PDE6B: variants seen among roughly 807,000 people sequenced by gnomAD.
The protein encoded by PDE6B is rod cGMP-specific 3',5'-cyclic phosphodiesterase subunit beta.
Under a neutral mutation model 109.0 loss-of-function variants are expected in PDE6B, and 106 were observed. That is an observed-to-expected ratio of 0.97 (90% CI 0.83 to 1.14). The LOEUF (loss-of-function observed/expected upper bound fraction) is 1.14. Ranked by LOEUF, PDE6B falls within the 50% of genes most tolerant of loss-of-function variation. The pLI is 0.00. For synonymous variants in PDE6B, 490 were observed against 471.3 expected, an observed-to-expected ratio of 1.04 and a Z score of -0.51; for missense variants, 1,193 against 1,155.6, an observed-to-expected ratio of 1.03 and a Z score of -0.47.
chr4:632,492 C>T (rs1245305615), intron 1 of PDE6B, among the ~76,000 whole-genome samples: 3 of 149,398 alleles, frequency 2.0e-5, no homozygotes, highest in Non-Finnish European at 3.0e-5. Flanking sequence ...CTCTGGATCA[C>T]GTTTTGTGGA....
At position 634,650 on chromosome 4, in the gene PDE6B, T is replaced by C. The variant is rs759911694; in HGVS notation, c.469-27T>C. On this transcript the variant is annotated intron_variant, in intron 1 of 21. Coordinates refer to ENST00000496514, the MANE Select transcript of PDE6B (RefSeq NM_000283.4). Reference sequence around the variant, plus strand: ...TCCAGGCCCACGGTGCGACAGCCTCTTTAGCCTCTTTCCTCTCTTGCGGCA... The same window carrying C: ...TCCAGGCCCACGGTGCGACAGCCTCCTTAGCCTCTTTCCTCTCTTGCGGCA... The C allele has an allele frequency of 3.7e-6, 6 of 1,603,188 alleles. No individual in the cohort carries two copies. The African/African-American group carries it at 8.0e-5, about 21-fold the overall frequency.
intron 21 of PDE6B, among the ~76,000 whole-genome samples, 188 bp downstream of exon 21, chr4:668,194 G>A (rs757822204): frequency 1.9e-4 from 29 of 151,932 alleles, no homozygotes; most frequent in African/African-American, 6.3e-4. Flanking sequence ...ACTCCACCTC[G>A]GTAGCAAACC....
chr4:663,137 AT>A lies in PDE6B; in HGVS notation c.1874del (p.Leu625TrpfsTer18). On this transcript the variant is annotated frameshift_variant, in exon 15 of 22. Transcript: ENST00000496514. LOFTEE classifies it high-confidence loss of function. This position sits in a 1 kb window ranked among gnomAD's most constrained non-coding sequence, Gnocchi z 4.0. ...NPLAKLHGSSILERHHLEFGK... is the reference protein window; with the variant it reads ...NPLAKLHGSSXLERHHLEFGK... ...CTTGGCTAAGCTCCACGGCTCCTCG[AT>A]TTTGGAGCGGCACCACCTGGAGTTT... The A allele has an allele frequency of 1.9e-6, 3 of 1,612,572 alleles. No homozygotes were observed. Among genetic ancestry groups the A allele is most frequent in the Non-Finnish European group, 2.5e-6 (3 of 1,178,872 alleles).
Position 660,392 on chromosome 4 carries a change from G to A in PDE6B, c.1468-75G>A, listed in dbSNP as rs1736918895. 6.2e-6 allele frequency: 9 copies of A among 1,454,646 alleles called. No homozygotes were observed. In the East Asian group the frequency reaches 2.0e-4, roughly 33 times the overall value. 90.1% of individuals were successfully genotyped at this position (1,454,646 alleles called of 1,614,324 possible). A position where few individuals can be genotyped will look rare whatever the true frequency, so the allele number is the denominator to read the frequency against. On this transcript the variant is annotated intron_variant, in intron 11 of 21. Transcript: ENST00000496514. The stretch of plus-strand genomic sequence containing the variant: ...GTGTCTGAGGCTTGGCAGGGGATCT[G>A]GAGAGAAGAAAGGATGAGAAGCAAG...
chr4:666,576 G>A lies in PDE6B; in HGVS notation c.2314G>A (p.Val772Met). The change falls in exon 20 of 22, where the codon GTG (valine) becomes ATG (methionine). Residue 772 changes from valine (V) to methionine (M), a missense_variant. Coordinates refer to ENST00000496514, the MANE Select transcript of PDE6B (RefSeq NM_000283.4). The surrounding 1 kb of genome is among the most constrained non-coding windows in gnomAD (Gnocchi z 5.6). ...NKAAELPKLQ[V>M]GFIDFVCTFV... ...GGCGGCCGAGCTCCCCAAGCTGCAA[G>A]TGGGCTTCATCGACTTCGTGTGCAC... The A allele has an allele frequency of 1.2e-6, 2 of 1,613,384 alleles. No individual in the cohort carries two copies. The highest frequency in any genetic ancestry group is 1.7e-6 in the Non-Finnish European group (2 of 1,179,510).
At chr4:668,148 A>C in intron 21 of PDE6B, 142 bp downstream of exon 21, 1 of 785,338 alleles carries the variant, frequency 1.3e-6, no homozygotes, top group Non-Finnish European at 2.0e-6. Context: ...GCCACAGTGC[A>C]GGGAGAGAGG....
At chr4:632,741 C>T (rs939679800) in intron 1 of PDE6B, among the ~76,000 whole-genome samples, 1 of 149,922 alleles carries the variant, frequency 6.7e-6, no homozygotes, top group Non-Finnish European at 1.5e-5. Flanking sequence ...CTCTGGATCA[C>T]GTTGTGTGGA....
chr4:631,486 G>A (rs1254136775), intron 1 of PDE6B, among the ~76,000 whole-genome samples: 7 of 150,946 alleles, frequency 4.6e-5, no homozygotes, highest in East Asian at 2.0e-4. Context: ...TCCCTGTGGC[G>A]CTGTCTGAAG....
At position 657,513 on chromosome 4, in the gene PDE6B, T is replaced by C. The variant is rs1560125166; in HGVS notation, c.1401+19T>C. On this transcript the variant is annotated intron_variant, in intron 10 of 21. Coordinates refer to ENST00000496514, the MANE Select transcript of PDE6B (RefSeq NM_000283.4). ...CATCCTGGTGCGGCGGGGCAGGACG[T>C]CCAGGGGTCACCCAGGGGTCACGGC... The C allele has an allele frequency of 1.8e-5, 26 of 1,464,798 alleles. No homozygotes were observed. The highest frequency in any genetic ancestry group is 2.5e-5 in the Non-Finnish European group (26 of 1,049,882). The allele number at this position is 1,464,798 out of a possible 1,614,324, so 90.7% of individuals were successfully genotyped here. A position where few individuals can be genotyped will look rare whatever the true frequency, so the allele number is the denominator to read the frequency against.
rs1737534022 is a variant in PDE6B at position 664,373 on chromosome 4, G to A, written c.2129+152G>A. ...TCGAGGGCTGTGAAACAAATGCGCC[G>A]TCCTTATTTCCCCCCAGCTCTCAGG... On this transcript the variant is annotated intron_variant, in intron 17 of 21. Transcript: ENST00000496514. 4.4e-6 allele frequency: 3 copies of A among 688,820 alleles called. No homozygotes were observed. The East Asian group carries it at 8.1e-5, about 19-fold the overall frequency. 42.7% of individuals were successfully genotyped at this position (688,820 alleles called of 1,614,324 possible). A position where few individuals can be genotyped will look rare whatever the true frequency, so the allele number is the denominator to read the frequency against.
intron 11 of PDE6B, among the ~76,000 whole-genome samples, chr4:659,525 G>T (rs925910063): frequency 2.7e-5 from 4 of 150,206 alleles, no homozygotes; most frequent in Admixed American, 6.6e-5. Context: ...GTAGGTGTGT[G>T]TGCACACGTG....
At position 633,517 on chromosome 4, in the gene PDE6B, T is replaced by C. The variant is rs934768057; in HGVS notation, c.469-1160T>C. 6.6e-6 allele frequency among the ~76,000 whole-genome samples: 1 copy of C among 152,006 alleles called. No homozygotes were observed. The highest frequency in any genetic ancestry group is 6.6e-5 in the Admixed American group (1 of 15,266). On this transcript the variant is annotated intron_variant, in intron 1 of 21. Transcript: ENST00000496514. The surrounding 1 kb of genome is among the most constrained non-coding windows in gnomAD (Gnocchi z 4.5). ...GCAGGGGAAGGGGGTGGAGGGGAGT[T>C]GCGAGGAGTCTGCCCTCTGCTGCTG...
rs1011901397 is a variant in PDE6B, at chr4:626,821, G to A, written c.468+727G>A. Among the ~76,000 whole-genome samples the A allele has an allele frequency of 2.0e-5, 3 of 152,230 alleles. No individual in the cohort carries two copies. Among genetic ancestry groups the A allele is most frequent in the African/African-American group, 7.2e-5 (3 of 41,458 alleles). ...GACAGAGGCGGTCCTGGCGGGACTG[G>A]AGAACAAGAGGGGTGTGAGGTGCCT... On this transcript the variant is annotated intron_variant, in intron 1 of 21. Coordinates refer to ENST00000496514, the MANE Select transcript of PDE6B (RefSeq NM_000283.4). The surrounding 1 kb of genome is among the most constrained non-coding windows in gnomAD (Gnocchi z 4.6).
chr4:670,019 C>T lies in PDE6B; in HGVS notation c.2504-27C>T, dbSNP rs1014110439. The T allele has an allele frequency of 3.8e-6, 6 of 1,594,206 alleles. No homozygotes were observed. The African/African-American group carries it at 5.4e-5, about 14-fold the overall frequency. On this transcript the variant is annotated intron_variant, in intron 21 of 21. Transcript: ENST00000496514. ...GGGCTGGTGTGCACAGGTGGTTCCA[C>T]TCACCATCTTCTGTCTTCTCTTGCA...
chr4:666,647 G>A lies in PDE6B; in HGVS notation c.2352+33G>A. 7.5e-6 allele frequency: 11 copies of A among 1,470,946 alleles called. No individual in the cohort carries two copies. The highest frequency in any genetic ancestry group is 1.0e-5 in the Non-Finnish European group (11 of 1,049,794). The allele number at this position is 1,470,946 out of a possible 1,614,324, so 91.1% of individuals were successfully genotyped here. On this transcript the variant is annotated intron_variant, in intron 20 of 21. Transcript: ENST00000496514. The surrounding 1 kb of genome is among the most constrained non-coding windows in gnomAD (Gnocchi z 5.6). Reference sequence around the variant, plus strand: ...GTTCACGGGTGTTCCGAGCTGACTGGGGCAGGGTGGCTGGGAGCAGGCAAG... The same window carrying A: ...GTTCACGGGTGTTCCGAGCTGACTGAGGCAGGGTGGCTGGGAGCAGGCAAG...
intron 1 of PDE6B, among the ~76,000 whole-genome samples, chr4:629,355 A>T (rs1391098319): frequency 1.3e-5 from 2 of 152,184 alleles, no homozygotes; most frequent in Non-Finnish European, 2.9e-5. Context: ...GCTGGGATGG[A>T]CGATCCTGGT....
At chr4:653,677 A>G in intron 3 of PDE6B, 175 bp from the exon 4 acceptor site, 2 of 753,174 alleles carry the variant, frequency 2.7e-6, no homozygotes, top group South Asian at 3.3e-5. Context: ...ACAAGCTCAG[A>G]TGAAACCTGG....
chr4:648,675 T>G lies in PDE6B; in HGVS notation c.712-5177T>G, dbSNP rs1448851957. ...CAGAGGCCGCAGGAAAGCCATGGGT[T>G]AGGCCCTACAGAGCTCAGGTTTCTC... is the stretch of plus-strand genomic sequence containing the variant. On this transcript the variant is annotated intron_variant, in intron 3 of 21. Transcript: ENST00000496514. The surrounding 1 kb of genome is among the most constrained non-coding windows in gnomAD (Gnocchi z 4.5). Among the ~76,000 whole-genome samples the G allele has an allele frequency of 1.3e-5, 2 of 152,224 alleles. No individual in the cohort carries two copies. The highest frequency in any genetic ancestry group is 4.8e-5 in the African/African-American group (2 of 41,460).
At position 663,218 on chromosome 4, in the gene PDE6B, G is replaced by C; in HGVS notation, c.1920+31G>C. On this transcript the variant is annotated intron_variant, in intron 15 of 21. Transcript: ENST00000496514. The surrounding 1 kb of genome is among the most constrained non-coding windows in gnomAD (Gnocchi z 4.0). ...TATACTCACCCTCGGTTTCTGCTGT[G>C]GGCGCTGGGGACGCAGCGTCCGCAG... is the stretch of plus-strand genomic sequence containing the variant. The C allele has an allele frequency of 8.0e-7, 1 of 1,251,648 alleles. No homozygotes were observed. The highest frequency in any genetic ancestry group is 1.2e-6 in the Non-Finnish European group (1 of 849,250). 77.5% of individuals were successfully genotyped at this position (1,251,648 alleles called of 1,614,324 possible).
Sources: allele counts gnomAD v4.1 joint callset (sites outside exome capture counted in the v4.1 genomes callset), GRCh38; gene constraint gnomAD v4.1.1; non-coding constraint Gnocchi (gnomAD v3.1); transcripts MANE v1.5; gene names NCBI Gene and HGNC (gene_info 2026-07-23, HGNC 2026-07-21).